Variants in PHF21B observed in about 807,000 individuals in gnomAD.
PHF21B encodes PHD finger protein 21B.
Under a neutral mutation model 62.2 loss-of-function variants are expected in PHF21B, and 22 were observed. The ratio of observed to expected loss-of-function variants is 0.35; its 90% CI spans 0.25 to 0.51. The LOEUF is 0.51. Among genes scored for constraint, PHF21B ranks in the 20% least tolerant of loss-of-function variants. PHF21B has a pLI of 0.97. For missense variants in PHF21B, 701 were observed against 707.9 expected (o/e 0.99, Z 0.11); for synonymous variants, 341 against 314.7 (o/e 1.08, Z -0.88).
At chr22:44,886,872 G>A (rs1489452771) in intron 10 of PHF21B, among the ~76,000 whole-genome samples, 3 of 152,000 alleles carry the variant, frequency 2.0e-5, no homozygotes, top group African/African-American at 4.8e-5. Context: ...TAAAACTCCC[G>A]GCCTGGGTGC....
chr22:44,991,764 C>T (rs1305954766), intron 2 of PHF21B, among the ~76,000 whole-genome samples: 1 of 152,258 alleles, frequency 6.6e-6, no homozygotes, highest in Non-Finnish European at 1.5e-5. Flanking sequence ...ACTCTCAGCT[C>T]CGCTGGTCCA....
chr22:44,960,042 T>C (rs2072386301), intron 2 of PHF21B, among the ~76,000 whole-genome samples: 1 of 152,210 alleles, frequency 6.6e-6, no homozygotes, highest in South Asian at 2.1e-4. Context: ...TCTCTAGTCC[T>C]GCAACCCTCT....
chr22:45,005,423 C>G (rs1024143231), intron 2 of PHF21B, among the ~76,000 whole-genome samples: 12 of 152,182 alleles, frequency 7.9e-5, no homozygotes, highest in African/African-American at 2.7e-4. Context: ...TATGTAAACT[C>G]ACTTCCTGTT....
At chr22:44,936,233 C>T (rs1317817496) in intron 2 of PHF21B, among the ~76,000 whole-genome samples, 2 of 152,228 alleles carry the variant, frequency 1.3e-5, no homozygotes, top group Non-Finnish European at 2.9e-5. Flanking sequence ...TTGTCACCTG[C>T]ATGAGCCCTG....
At chr22:44,973,773 T>A (rs1204562991) in intron 2 of PHF21B, among the ~76,000 whole-genome samples, 1 of 151,962 alleles carries the variant, frequency 6.6e-6, no homozygotes, top group Non-Finnish European at 1.5e-5. Flanking sequence ...GGGGTCGCCA[T>A]GGGAGAGGAA....
intron 2 of PHF21B, among the ~76,000 whole-genome samples, chr22:44,951,930 A>G (rs2072202185): frequency 6.6e-6 from 1 of 152,236 alleles, no homozygotes; most frequent in Non-Finnish European, 1.5e-5. Flanking sequence ...GAGGTGGTGA[A>G]CAAGAGTGAA....
chr22:44,943,761 C>T (rs1459241785), intron 2 of PHF21B, among the ~76,000 whole-genome samples: 1 of 152,204 alleles, frequency 6.6e-6, no homozygotes, highest in African/African-American at 2.4e-5. Context: ...ACCTTAGTCT[C>T]TACCAGTTTT....
intron 2 of PHF21B, among the ~76,000 whole-genome samples, chr22:44,932,068 G>A (rs1013269222): frequency 6.6e-6 from 1 of 152,194 alleles, no homozygotes; most frequent in African/African-American, 2.4e-5. Context: ...GGTGGGTGAG[G>A]CCGTGTCACT....
chr22:44,936,144 G>A (rs866355885), intron 2 of PHF21B, among the ~76,000 whole-genome samples: 3 of 152,230 alleles, frequency 2.0e-5, no homozygotes, highest in Non-Finnish European at 2.9e-5. Context: ...TGAAGAACCC[G>A]GCTGCTGTCT....
chr22:44,899,568 G>A (rs1402027625), intron 5 of PHF21B, among the ~76,000 whole-genome samples: 1 of 152,094 alleles, frequency 6.6e-6, no homozygotes, highest in Non-Finnish European at 1.5e-5. Flanking sequence ...GGGATTACAG[G>A]CGTGACCTAC....
At chr22:44,920,841 C>T (rs1249434694) in intron 2 of PHF21B, among the ~76,000 whole-genome samples, 2 of 152,184 alleles carry the variant, frequency 1.3e-5, no homozygotes, top group African/African-American at 2.4e-5. Flanking sequence ...CTTCATAAAT[C>T]ACTCCTTTAA....
intron 3 of PHF21B, among the ~76,000 whole-genome samples, chr22:44,917,359 G>A (rs1191347470): frequency 6.6e-6 from 1 of 152,160 alleles, no homozygotes; most frequent in Non-Finnish European, 1.5e-5. Context: ...GGGTGTACTT[G>A]ACTGAGGGCT....
At chr22:44,940,870 T>A (rs2071942971) in intron 2 of PHF21B, among the ~76,000 whole-genome samples, 1 of 152,176 alleles carries the variant, frequency 6.6e-6, no homozygotes, top group African/African-American at 2.4e-5. Context: ...CCCTTCTTCA[T>A]GTGAAGGCAT....
At chr22:44,956,282 G>A (rs576988978) in intron 2 of PHF21B, among the ~76,000 whole-genome samples, 5 of 152,274 alleles carry the variant, frequency 3.3e-5, no homozygotes, top group East Asian at 1.9e-4. Context: ...TTGGAGAGCC[G>A]CCCCAATGCT....
In PHF21B at chr22:44,899,615, C is replaced by G. The variant is rs117093920; in HGVS notation, c.832-3532G>C. The stretch of plus-strand genomic sequence containing the variant: ...TCTTCTTTTTTCTTCTCCTTCTCCT[C>G]TTTTCTTCCTTCTCCTTCCTTCTTC... On this transcript the variant is annotated intron_variant, in intron 5 of 12. Coordinates refer to ENST00000313237, the MANE Select transcript of PHF21B (RefSeq NM_138415.5). Among the ~76,000 whole-genome samples, 429 of 151,790 alleles carry G rather than the reference C, an allele frequency of 2.8e-3. 7 individuals carry two copies. In the East Asian group the frequency reaches 0.051, roughly 18 times the overall value.
intron 5 of PHF21B, among the ~76,000 whole-genome samples, chr22:44,903,578 T>C (rs2071198519): frequency 6.6e-6 from 1 of 152,252 alleles, no homozygotes. Flanking sequence ...CTTTTTGCCC[T>C]GTGGGATCAA....
intron 2 of PHF21B, among the ~76,000 whole-genome samples, chr22:44,958,003 A>G (rs1356613236): frequency 6.6e-6 from 1 of 151,868 alleles, no homozygotes; most frequent in Non-Finnish European, 1.5e-5. Context: ...CCCAGGTTCA[A>G]GCGATTCTCC....
At chr22:44,932,151 C>T (rs2071754718) in intron 2 of PHF21B, among the ~76,000 whole-genome samples, 1 of 152,228 alleles carries the variant, frequency 6.6e-6, no homozygotes, top group South Asian at 2.1e-4. Flanking sequence ...AGTTTTCCCT[C>T]TACTCATCTG....
rs541681273 is a variant in PHF21B, at chr22:45,004,336, G to C, written c.120+4209C>G. On this transcript the variant is annotated intron_variant, in intron 2 of 12. Coordinates refer to ENST00000313237, the MANE Select transcript of PHF21B (RefSeq NM_138415.5). ...TAAGAGATGGTAGTGGGTGGGCGCA[G>C]GGCGATGAAGGGATGGAGGGGTCCA... Among the ~76,000 whole-genome samples the C allele has an allele frequency of 8.5e-5, 13 of 152,228 alleles. No individual in the cohort carries two copies. The South Asian group carries it at 1.7e-3, about 19-fold the overall frequency.
Sources: gnomAD v4.1 joint callset for allele counts (sites outside exome capture counted in the v4.1 genomes callset) on GRCh38, gnomAD v4.1.1 for gene constraint, MANE v1.5 for transcripts, NCBI Gene and HGNC (gene_info 2026-07-23, HGNC 2026-07-21) for gene names.